Variants in TNNI3K observed in about 807,000 individuals in gnomAD.
TNNI3K encodes the protein TNNI3 interacting kinase.
Under a neutral mutation model 114.5 loss-of-function variants are expected in TNNI3K, and 140 were observed. That is an observed-to-expected ratio of 1.22 (90% confidence interval 1.07 to 1.41). The LOEUF (loss-of-function observed/expected upper bound fraction) is 1.41, where lower values mean the gene tolerates loss of function less well. TNNI3K is among the 40% of genes most tolerant of loss of function. The probability of loss-of-function intolerance (pLI) is 0.00; values close to 1 mark genes in which losing one functional copy is unlikely to be tolerated. For missense variants in TNNI3K, 1,125 were observed against 1,007.6 expected (o/e 1.12, Z -1.58); for synonymous variants, 347 against 347.5 (o/e 1.00, Z 0.02).
chr1:74,413,140 CATTT>C (rs1664965982), intron 17 of TNNI3K, among the ~76,000 whole-genome samples: 1 of 152,068 alleles, frequency 6.6e-6, no homozygotes, highest in Non-Finnish European at 1.5e-5. Flanking sequence ...ACAGAGTAGT[CATTT>C]ATTTAAACAT....
chr1:74,395,203 G>A, intron 17 of TNNI3K, among the ~76,000 whole-genome samples: 1 of 152,144 alleles, frequency 6.6e-6, no homozygotes, highest in East Asian at 1.9e-4. Flanking sequence ...TGCTGGGGGT[G>A]CCTGAGCATC....
rs932269107 is a variant in TNNI3K at position 74,516,398 on chromosome 1, T to C, written c.2352-23836T>C. ...GGTTTCTGACTTAAGATGAGAATAG[T>C]TGAGTCAGGAAGGCAATATCAAATC... On this transcript the variant is annotated intron_variant, in intron 23 of 24. Coordinates refer to ENST00000326637, the MANE Select transcript of TNNI3K (RefSeq NM_015978.3). 2.0e-5 allele frequency among the ~76,000 whole-genome samples: 3 copies of C among 152,166 alleles called. No homozygotes were observed. In the East Asian group the frequency reaches 5.8e-4, roughly 29 times the overall value.
At chr1:74,475,510 A>G (rs1482725027) in intron 21 of TNNI3K, 1 of 716,722 alleles carries the variant, frequency 1.4e-6, no homozygotes, top group East Asian at 2.7e-5. Flanking sequence ...TTTCTTTTTC[A>G]GGTTTCTAAA....
At chr1:74,367,885 C>G (rs745937105) in intron 12 of TNNI3K, 23 bp from the exon 13 acceptor site, 11 of 1,561,882 alleles carry the variant, frequency 7.0e-6, no homozygotes, top group Admixed American at 2.0e-5. Flanking sequence ...ACTTTCAACT[C>G]TATTATATAA....
At chr1:74,391,928 G>A (rs1184465927) in intron 17 of TNNI3K, among the ~76,000 whole-genome samples, 1 of 150,262 alleles carries the variant, frequency 6.7e-6, no homozygotes, top group East Asian at 1.9e-4. Flanking sequence ...CATTCAGATG[G>A]TCCTTGATTT....
intron 23 of TNNI3K, 40 bp from the exon 24 acceptor site, chr1:74,540,194 G>A (rs1213612041): frequency 1.3e-6 from 2 of 1,598,468 alleles, no homozygotes; most frequent in East Asian, 4.5e-5. Flanking sequence ...GTTATTATCA[G>A]ATCACCATAC....
chr1:74,283,874 C>G (rs1052144038), intron 5 of TNNI3K, among the ~76,000 whole-genome samples: 48 of 152,124 alleles, frequency 3.2e-4, no homozygotes, highest in African/African-American at 1.1e-3. Context: ...AGAAATATTT[C>G]TGTTACATAT....
chr1:74,338,492 C>T (rs1660592899), intron 7 of TNNI3K, among the ~76,000 whole-genome samples: 1 of 151,666 alleles, frequency 6.6e-6, no homozygotes, highest in African/African-American at 2.4e-5. Context: ...CAGGCATATC[C>T]AACATTCTTC....
chr1:74,377,953 G>C (rs551949553), intron 17 of TNNI3K, among the ~76,000 whole-genome samples: 41 of 152,116 alleles, frequency 2.7e-4, no homozygotes, highest in African/African-American at 7.7e-4. Context: ...CATATAAACA[G>C]ACACATTTCC....
At chr1:74,290,562 G>A (rs530582922) in intron 5 of TNNI3K, among the ~76,000 whole-genome samples, 2 of 151,844 alleles carry the variant, frequency 1.3e-5, no homozygotes, top group South Asian at 4.2e-4. Flanking sequence ...AATCAAAACA[G>A]TGCATGGATA....
chr1:74,451,600 TCTTTTCTTTCTTTCCTTCCTTCCTTC>T (rs1666997343), intron 20 of TNNI3K, among the ~76,000 whole-genome samples: 1 of 151,082 alleles, frequency 6.6e-6, no homozygotes, highest in Non-Finnish European at 1.5e-5. Flanking sequence ...TTCCTTCCTT[TCTTTTCTTTCTTTCCTTCCTTCCTTC>T]CTTTTCTTTT....
intron 17 of TNNI3K, among the ~76,000 whole-genome samples, chr1:74,424,072 G>A (rs1286374360): frequency 2.4e-5 from 2 of 83,080 alleles, no homozygotes; most frequent in African/African-American, 5.3e-5. Flanking sequence ...GGACACATTA[G>A]AATAGATAAG....
At chr1:74,487,485 G>A (rs1444923534) in intron 21 of TNNI3K, among the ~76,000 whole-genome samples, 2 of 152,304 alleles carry the variant, frequency 1.3e-5, no homozygotes, top group South Asian at 4.1e-4. Context: ...TCAAGATTTT[G>A]AAGTGAGACC....
chr1:74,390,964 C>T (rs199888459), intron 17 of TNNI3K, among the ~76,000 whole-genome samples: 7 of 5,554 alleles, frequency 1.3e-3, no homozygotes, highest in Admixed American at 3.5e-3. Context: ...TATTTTTTTC[C>T]GAAAAAAAAA....
chr1:74,277,441 A>C lies in TNNI3K; in HGVS notation c.444+5733A>C, dbSNP rs544325706. Among the ~76,000 whole-genome samples the C allele has an allele frequency of 5.9e-5, 9 of 152,302 alleles. No individual in the cohort carries two copies. In the South Asian group the frequency reaches 1.9e-3, roughly 32 times the overall value. ...TTTGGAAAGTGAAAAAAGAAACGGA[A>C]TATGTTACTATATAAAGCCCAAGCA... On this transcript the variant is annotated intron_variant, in intron 5 of 24. Transcript: ENST00000326637.
At chr1:74,543,056 CTTTTTCCCTTTT>C (rs1646744782) in intron 24 of TNNI3K, among the ~76,000 whole-genome samples, 1 of 105,702 alleles carries the variant, frequency 9.5e-6, no homozygotes, top group African/African-American at 3.4e-5. Flanking sequence ...TTTTCTTTTT[CTTTTTCCCTTTT>C]TTTTTTTTTT....
rs764209373 is a variant in TNNI3K, at chr1:74,353,966, C to T, written c.1028-14C>T. The T allele has an allele frequency of 1.9e-6, 3 of 1,588,210 alleles. No homozygotes were observed. The African/African-American group carries it at 4.1e-5, about 22-fold the overall frequency. On this transcript the variant is annotated splice_polypyrimidine_tract_variant and intron_variant, in intron 10 of 24. Transcript: ENST00000326637. ...TTTTTCTCCTTTTGTTCTTTCAATT[C>T]TTTTCTATTACAGGATTACACTCTG...
At chr1:74,398,097 C>A (rs1047303429) in intron 17 of TNNI3K, among the ~76,000 whole-genome samples, 1 of 152,222 alleles carries the variant, frequency 6.6e-6, no homozygotes, top group African/African-American at 2.4e-5. Flanking sequence ...AGAAAGGAAA[C>A]ACTATAGATG....
At chr1:74,417,594 T>C (rs1249425348) in intron 17 of TNNI3K, among the ~76,000 whole-genome samples, 1 of 151,968 alleles carries the variant, frequency 6.6e-6, no homozygotes, top group Non-Finnish European at 1.5e-5. Flanking sequence ...TAAGCCCAAC[T>C]TATACTGGCA....
Sources: allele counts gnomAD v4.1 joint callset (sites outside exome capture counted in the v4.1 genomes callset), GRCh38; gene constraint gnomAD v4.1.1; transcripts MANE v1.5; gene names NCBI Gene and HGNC (gene_info 2026-07-23, HGNC 2026-07-21).